DGKB: variants seen among roughly 807,000 people sequenced by gnomAD.
DGKB encodes the protein 90 kDa diacylglycerol kinase.
DGKB carries 67 observed loss-of-function variants against 114.3 expected under a neutral mutation model. The ratio of observed to expected loss-of-function variants is 0.59; its 90% confidence interval spans 0.48 to 0.72. The LOEUF (loss-of-function observed/expected upper bound fraction) is 0.72. Ranked by LOEUF, DGKB falls within the 30% of genes least tolerant of loss-of-function variation. The probability of loss-of-function intolerance (pLI) is 0.00; values close to 1 mark genes in which losing one functional copy is unlikely to be tolerated. For missense variants in DGKB, 907 were observed against 975.2 expected, an observed-to-expected ratio of 0.93 and a Z score of 0.93; for synonymous variants, 398 against 323.1, an observed-to-expected ratio of 1.23 and a Z score of -2.49.
chr7:14,955,807 T>C, intron 1 of DGKB, among the ~76,000 whole-genome samples: 1 of 152,046 alleles, frequency 6.6e-6, no homozygotes. Flanking sequence ...GAATCATAAG[T>C]ATATAGGTAA....
chr7:14,210,850 C>T (rs1371793594), intron 23 of DGKB, among the ~76,000 whole-genome samples: 2 of 152,002 alleles, frequency 1.3e-5, no homozygotes, highest in African/African-American at 4.8e-5. Flanking sequence ...TGTGTGACAC[C>T]TCTGTCTTTG....
At chr7:14,497,131 G>A (rs1785420639) in intron 20 of DGKB, among the ~76,000 whole-genome samples, 1 of 151,654 alleles carries the variant, frequency 6.6e-6, no homozygotes, top group Admixed American at 6.6e-5. Flanking sequence ...TGGGAGGTAA[G>A]CTATGGGTAC....
chr7:14,151,469 A>T (rs201912525), intron 25 of DGKB, among the ~76,000 whole-genome samples: 8,660 of 135,036 alleles, frequency 0.064, 322 homozygotes, highest in African/African-American at 0.16. Context: ...AAACTTTTTA[A>T]AAAAAAAAAT....
chr7:14,898,267 A>C (rs910182458), intron 1 of DGKB, among the ~76,000 whole-genome samples: 1 of 152,184 alleles, frequency 6.6e-6, no homozygotes, highest in South Asian at 2.1e-4. Flanking sequence ...GAGACAAAGA[A>C]GGTGCAACAT....
rs189133946 is a variant in DGKB, at chr7:14,404,268, C to T, written c.1836-58877G>A. 2.0e-3 allele frequency among the ~76,000 whole-genome samples: 300 copies of T among 151,648 alleles called. 3 individuals carry two copies. The highest frequency in any genetic ancestry group is 6.8e-3 in the Middle Eastern group (2 of 294). On this transcript the variant is annotated intron_variant, in intron 21 of 25. Coordinates refer to ENST00000402815, the MANE Select transcript of DGKB (RefSeq NM_001350709.2). ...GTCTCGGATATCCCCATTTAACCTC[C>T]TATTCAATTTAGATGCAATGCCCTT...
At chr7:14,349,365 T>C (rs1366439673) in intron 21 of DGKB, among the ~76,000 whole-genome samples, 1 of 152,140 alleles carries the variant, frequency 6.6e-6, no homozygotes, top group Non-Finnish European at 1.5e-5. Flanking sequence ...CACTGTATCA[T>C]AGTTTGAAAA....
intron 21 of DGKB, among the ~76,000 whole-genome samples, chr7:14,471,514 TAAG>T (rs1473254618): frequency 2.0e-5 from 3 of 150,334 alleles, no homozygotes; most frequent in South Asian, 4.2e-4. Context: ...TATAAATTGA[TAAG>T]AAGAAGCACA....
At chr7:14,907,035 G>C (rs1166008372), upstream of DGKB, among the ~76,000 whole-genome samples, 1 of 152,086 alleles carries the variant, frequency 6.6e-6, no homozygotes. Context: ...AATCATGAGA[G>C]GATAGCTACT....
intron 21 of DGKB, among the ~76,000 whole-genome samples, chr7:14,403,522 T>TAA (rs201600908): frequency 1.3e-4 from 4 of 30,272 alleles, no homozygotes; most frequent in Non-Finnish European, 7.7e-4. Flanking sequence ...ATTTTCCATT[T>TAA]TAAAAAAAAC....
chr7:14,245,617 A>T (rs1167455288), intron 23 of DGKB, among the ~76,000 whole-genome samples: 1 of 151,894 alleles, frequency 6.6e-6, no homozygotes, highest in Non-Finnish European at 1.5e-5. Flanking sequence ...AATTATAATA[A>T]TTTTTTTTCC....
At chr7:14,242,619 A>G (rs980709959) in intron 23 of DGKB, among the ~76,000 whole-genome samples, 1 of 152,174 alleles carries the variant, frequency 6.6e-6, no homozygotes, top group Non-Finnish European at 1.5e-5. Flanking sequence ...GGTTGTTCAT[A>G]AATTATATTA....
In DGKB at chr7:14,419,080, A is replaced by C. The variant is rs534770365; in HGVS notation, c.1835+59081T>G. Among the ~76,000 whole-genome samples, 90 of 152,048 alleles carry C rather than the reference A, an allele frequency of 5.9e-4. 2 individuals carry two copies. The highest frequency in any genetic ancestry group is 2.1e-3 in the African/African-American group (86 of 41,530). ...AGAGCAGAGAAAGGAGAATAATAGA[A>C]TCCTTACTCTGGGACAGCGGAATGT... is the stretch of plus-strand genomic sequence containing the variant. On this transcript the variant is annotated intron_variant, in intron 21 of 25. Coordinates refer to ENST00000402815, the MANE Select transcript of DGKB (RefSeq NM_001350709.2).
chr7:14,954,763 A>G (rs1271994881), intron 1 of DGKB, among the ~76,000 whole-genome samples: 1 of 152,096 alleles, frequency 6.6e-6, no homozygotes, highest in Non-Finnish European at 1.5e-5. Flanking sequence ...AAATATATAA[A>G]ATTGTAGATA....
chr7:14,642,933 C>G (rs1252804721), intron 13 of DGKB, among the ~76,000 whole-genome samples: 1 of 152,116 alleles, frequency 6.6e-6, no homozygotes, highest in Non-Finnish European at 1.5e-5. Context: ...ATTGTAATCT[C>G]TCTTTGGATA....
At chr7:14,634,812 T>A (rs1417646263) in intron 13 of DGKB, among the ~76,000 whole-genome samples, 2 of 151,578 alleles carry the variant, frequency 1.3e-5, no homozygotes, top group Non-Finnish European at 3.0e-5. Context: ...TATATTTCAG[T>A]TTCATATAAT....
chr7:14,245,294 A>T (rs998848401), intron 23 of DGKB, among the ~76,000 whole-genome samples: 2 of 152,204 alleles, frequency 1.3e-5, no homozygotes, highest in African/African-American at 2.4e-5. Context: ...TTTAATTATG[A>T]TTATTTAACA....
intron 21 of DGKB, among the ~76,000 whole-genome samples, chr7:14,355,765 T>A (rs1396093790): frequency 6.6e-6 from 1 of 152,182 alleles, no homozygotes; most frequent in Non-Finnish European, 1.5e-5. Flanking sequence ...CTGCCAGGCT[T>A]CGGTATCAGG....
intron 2 of DGKB, among the ~76,000 whole-genome samples, chr7:14,817,773 A>G (rs1192077393): frequency 6.6e-6 from 1 of 152,168 alleles, no homozygotes; most frequent in Non-Finnish European, 1.5e-5. Context: ...CTTAGTGTCT[A>G]TTTCCATATC....
intron 1 of DGKB, among the ~76,000 whole-genome samples, chr7:14,845,413 A>G (rs193224992): frequency 1.1e-3 from 172 of 152,334 alleles, no homozygotes; most frequent in African/African-American, 4.1e-3. Flanking sequence ...TAGGGGAAAT[A>G]TAAGTTGTTT....
Sources: gnomAD v4.1 joint callset for allele counts (sites outside exome capture counted in the v4.1 genomes callset) on GRCh38, gnomAD v4.1.1 for gene constraint, MANE v1.5 for transcripts, NCBI Gene and HGNC (gene_info 2026-07-23, HGNC 2026-07-21) for gene names.